GABRA2: variants seen among roughly 807,000 people sequenced by gnomAD.
GABRA2 encodes gamma-aminobutyric acid type A receptor subunit alpha2.
In GABRA2, 16 loss-of-function variants were observed where a neutral mutation model predicts 48.7. The ratio of observed to expected loss-of-function variants is 0.33; its 90% CI spans 0.22 to 0.50. The LOEUF (loss-of-function observed/expected upper bound fraction) is 0.50. GABRA2 is among the 20% of genes least tolerant of loss of function. The pLI is 0.98. For missense variants in GABRA2, 275 were observed against 535.6 expected, an observed-to-expected ratio of 0.51 and a Z score of 4.80; for synonymous variants, 185 against 184.5, an observed-to-expected ratio of 1.00 and a Z score of -0.02.
At chr4:46,298,082 G>A (rs980257376) in intron 8 of GABRA2, among the ~76,000 whole-genome samples, 1 of 152,044 alleles carries the variant, frequency 6.6e-6, no homozygotes, top group Admixed American at 6.5e-5. Flanking sequence ...TTATTCCAGT[G>A]TGTTGAGAGA....
At chr4:46,312,356 G>A in intron 5 of GABRA2, 140 bp downstream of exon 5, 2 of 499,438 alleles carry the variant, frequency 4.0e-6, no homozygotes, top group South Asian at 4.0e-5. Flanking sequence ...CAAAACATTT[G>A]CAAAGCATAT....
At chr4:46,388,744 A>G (rs767224313) in intron 1 of GABRA2, 28 bp from the exon 2 acceptor site, 1 of 1,612,898 alleles carries the variant, frequency 6.2e-7, no homozygotes, top group Non-Finnish European at 8.5e-7. Context: ...ATGAAAAACA[A>G]AATACACTTA....
chr4:46,355,794 T>C (rs1450882290), intron 3 of GABRA2, among the ~76,000 whole-genome samples: 1 of 152,174 alleles, frequency 6.6e-6, no homozygotes, highest in Admixed American at 6.6e-5. Context: ...TAATTTTCTG[T>C]ATTACCTTAA....
intron 1 of GABRA2, 100 bp from the exon 2 acceptor site, chr4:46,388,816 G>A: frequency 6.4e-7 from 1 of 1,559,740 alleles, no homozygotes; most frequent in African/African-American, 1.4e-5. Flanking sequence ...TTAGGGATTC[G>A]TGTTAAAGCT....
intron 4 of GABRA2, among the ~76,000 whole-genome samples, chr4:46,324,571 C>A (rs1328777033): frequency 2.0e-5 from 3 of 148,010 alleles, no homozygotes; most frequent in Non-Finnish European, 4.5e-5. Context: ...TTTTTTTTTT[C>A]TTTTGTCAAC....
intron 8 of GABRA2, among the ~76,000 whole-genome samples, chr4:46,288,110 T>A (rs2109512471): frequency 6.6e-6 from 1 of 152,272 alleles, no homozygotes; most frequent in Non-Finnish European, 1.5e-5. Flanking sequence ...TCACACTGGT[T>A]TCCTCTCATG....
At chr4:46,300,603 C>G (rs1320175539) in intron 8 of GABRA2, among the ~76,000 whole-genome samples, 1 of 151,942 alleles carries the variant, frequency 6.6e-6, no homozygotes, top group East Asian at 1.9e-4. Context: ...TACTGAACAT[C>G]AAATTGATAC....
At chr4:46,284,566 C>T (rs867071197) in intron 8 of GABRA2, among the ~76,000 whole-genome samples, 6 of 152,140 alleles carry the variant, frequency 3.9e-5, no homozygotes, top group Admixed American at 6.5e-5. Context: ...ATCAGGCTGG[C>T]TCCAAATATC....
chr4:46,328,306 A>ATG (rs565459749), intron 4 of GABRA2, among the ~76,000 whole-genome samples: 2,097 of 150,478 alleles, frequency 0.014, 22 homozygotes, highest in South Asian at 0.04. Flanking sequence ...GCGCACACGC[A>ATG]TGTGTGTGTG....
intron 3 of GABRA2, among the ~76,000 whole-genome samples, chr4:46,334,619 C>T (rs1018428759): frequency 4.6e-5 from 7 of 151,998 alleles, no homozygotes; most frequent in Non-Finnish European, 1.0e-4. Context: ...TCCCTATATG[C>T]CAAATGGCAA....
intron 3 of GABRA2, among the ~76,000 whole-genome samples, chr4:46,346,000 T>A (rs189276445): frequency 3.3e-5 from 5 of 152,036 alleles, no homozygotes; most frequent in African/African-American, 1.2e-4. Context: ...ATTTTGCTCA[T>A]CTTGTATCAT....
Position 46,386,179 on chromosome 4 carries a change from C to A in GABRA2, c.82G>T (p.Ala28Ser), listed in dbSNP as rs955560443. The change falls in exon 3 of 10, where the codon GCT becomes TCT. Residue 28 changes from alanine to serine, a missense_variant. By Grantham distance (99) the Ala-to-Ser change is moderately conservative. This residue lies in a region of GABRA2 where 39 missense variants were observed against 40.5 expected (regional missense o/e 0.96). Transcript: ENST00000381620. ...LVWDPARLVL[A>S]NIQEDEAKNN... ...TTAGCCTCATCTTCTTGGATGTTAG[C>A]CAGCACCAACCTAAACAGATAATTT... The A allele has an allele frequency of 1.9e-6, 3 of 1,596,652 alleles. No individual in the cohort carries two copies. The highest frequency in any genetic ancestry group is 2.6e-6 in the Non-Finnish European group (3 of 1,166,872).
chr4:46,275,095 C>G (rs553537726), intron 8 of GABRA2, among the ~76,000 whole-genome samples: 3 of 152,162 alleles, frequency 2.0e-5, no homozygotes, highest in East Asian at 3.9e-4. Context: ...AACTGGATTC[C>G]CCTTCATTCT....
At chr4:46,258,666 G>A (rs1716339015) in intron 9 of GABRA2, among the ~76,000 whole-genome samples, 1 of 151,804 alleles carries the variant, frequency 6.6e-6, no homozygotes, top group Non-Finnish European at 1.5e-5. Flanking sequence ...AGTGGCAGCT[G>A]CCAGGATGTG....
chr4:46,277,651 A>C (rs1239012122), intron 8 of GABRA2, among the ~76,000 whole-genome samples: 2 of 152,144 alleles, frequency 1.3e-5, no homozygotes, highest in Non-Finnish European at 2.9e-5. Flanking sequence ...TGTTTTGATC[A>C]GTTCTTACAG....
intron 4 of GABRA2, among the ~76,000 whole-genome samples, chr4:46,323,819 G>GA (rs979568113): frequency 6.1e-5 from 9 of 147,492 alleles, no homozygotes; most frequent in South Asian, 2.1e-4. Flanking sequence ...AAAGAAATCA[G>GA]AAAAAAAAAA....
At chr4:46,371,572 C>G (rs1714897371) in intron 3 of GABRA2, among the ~76,000 whole-genome samples, 1 of 150,634 alleles carries the variant, frequency 6.6e-6, no homozygotes, top group Non-Finnish European at 1.5e-5. Flanking sequence ...TTAATTTTTT[C>G]TACATACCAT....
chr4:46,266,134 T>C (rs1189948179), intron 8 of GABRA2, among the ~76,000 whole-genome samples: 1 of 151,838 alleles, frequency 6.6e-6, no homozygotes, highest in Non-Finnish European at 1.5e-5. Context: ...ATGTGCATTC[T>C]GCTTTTTATG....
chr4:46,358,228 T>C (rs901763422), intron 3 of GABRA2, among the ~76,000 whole-genome samples: 7 of 152,198 alleles, frequency 4.6e-5, no homozygotes, highest in African/African-American at 1.7e-4. Flanking sequence ...CTCTGAGCTT[T>C]ACGATGTCCC....
Sources: allele counts gnomAD v4.1 joint callset (sites outside exome capture counted in the v4.1 genomes callset), GRCh38; gene constraint gnomAD v4.1.1; regional missense constraint gnomAD v4.1.1; transcripts MANE v1.5; gene names NCBI Gene and HGNC (gene_info 2026-07-23, HGNC 2026-07-21).